CLIP2: variants seen among roughly 807,000 people sequenced by gnomAD.
The protein encoded by CLIP2 is CAP-Gly domain-containing linker protein 2.
A neutral mutation model predicts 111.7 loss-of-function variants in CLIP2; 41 were observed. The observed-to-expected ratio is 0.37, with a 90% CI of 0.29 to 0.48. The LOEUF (loss-of-function observed/expected upper bound fraction) is 0.48. Among genes scored for constraint, CLIP2 ranks in the 20% least tolerant of loss-of-function variants. CLIP2 has a pLI of 0.99. For synonymous variants in CLIP2, 660 were observed against 644.2 expected, an observed-to-expected ratio of 1.02 and a Z score of -0.37; for missense variants, 1,160 against 1,422.1, an observed-to-expected ratio of 0.82 and a Z score of 2.96.
intron 13 of CLIP2, among the ~76,000 whole-genome samples, chr7:74,392,181 C>T (rs1202350202): frequency 6.6e-6 from 1 of 151,506 alleles, no homozygotes; most frequent in African/African-American, 2.4e-5. Context: ...GAAACCCTGT[C>T]TCTACTAAAA....
Position 74,334,923 on chromosome 7 carries a change from G to A in CLIP2, c.122-3525G>A, listed in dbSNP as rs535621942. The stretch of plus-strand genomic sequence containing the variant: ...GAATTGCTTAAACCTGGGAGGCGAA[G>A]ATTGCAGTGAGCAGAGATTGCACCA... On this transcript the variant is annotated intron_variant, in intron 2 of 16. Transcript: ENST00000223398. 1.6e-4 allele frequency among the ~76,000 whole-genome samples: 25 copies of A among 151,996 alleles called. No homozygotes were observed. In the South Asian group the frequency reaches 4.1e-3, roughly 25 times the overall value.
At chr7:74,329,153 C>T (rs959391357) in intron 2 of CLIP2, among the ~76,000 whole-genome samples, 10 of 143,446 alleles carry the variant, frequency 7.0e-5, no homozygotes, top group African/African-American at 2.6e-4. Context: ...GTCTCGATCT[C>T]CTGACCTCGT....
At chr7:74,394,245 A>ATTTTTTTTTTTTTTTTTTT (rs56651501) in intron 13 of CLIP2, among the ~76,000 whole-genome samples, 1 of 117,408 alleles carries the variant, frequency 8.5e-6, no homozygotes, top group Non-Finnish European at 1.8e-5. Flanking sequence ...TTTTCTTCTT[A>ATTTTTTTTTTTTTTTTTTT]TTTTTTTTTT....
chr7:74,391,831 AG>A (rs1285043784), intron 13 of CLIP2, among the ~76,000 whole-genome samples: 2 of 151,936 alleles, frequency 1.3e-5, no homozygotes, highest in African/African-American at 2.4e-5. Flanking sequence ...AAGAAGAAGA[AG>A]AAAAAAAAAG....
At position 74,404,113 on chromosome 7, in the gene CLIP2, C is replaced by T; in HGVS notation, c.*265C>T. 2 of 489,290 alleles carry T rather than the reference C, an allele frequency of 4.1e-6. No homozygotes were observed. The highest frequency in any genetic ancestry group is 7.5e-6 in the Non-Finnish European group (2 of 265,922). 30.3% of individuals were successfully genotyped at this position (489,290 alleles called of 1,614,324 possible). A position where few individuals can be genotyped will look rare whatever the true frequency, so the allele number is the denominator to read the frequency against. On this transcript the variant is annotated 3_prime_UTR_variant, in exon 17 of 17. Transcript: ENST00000223398. The stretch of plus-strand genomic sequence containing the variant: ...GACCTTCAGCCTGGACACCCGGCAG[C>T]TTCTGGAGTTTGTCAGTGGAGGCAG...
chr7:74,385,282 G>A lies in CLIP2; in HGVS notation c.2480-1239G>A, dbSNP rs577826510. Among the ~76,000 whole-genome samples, 6 of 151,570 alleles carry A rather than the reference G, an allele frequency of 4.0e-5. No individual in the cohort carries two copies. The South Asian group carries it at 6.3e-4, about 16-fold the overall frequency. The stretch of plus-strand genomic sequence containing the variant: ...TGCACTCCAGCCTGGGTGACAGAGC[G>A]AGACTCTGTCTCCAAAAATATAAAA... On this transcript the variant is annotated intron_variant, in intron 11 of 16. Coordinates refer to ENST00000223398, the MANE Select transcript of CLIP2 (RefSeq NM_003388.5).
chr7:74,313,329 G>T (rs1177458931), intron 1 of CLIP2, among the ~76,000 whole-genome samples: 2 of 151,934 alleles, frequency 1.3e-5, no homozygotes, highest in African/African-American at 4.8e-5. Context: ...GGAGGCCGAG[G>T]GGGGCAGATC....
chr7:74,371,652 GGAGA>G (rs1245626251), intron 8 of CLIP2, among the ~76,000 whole-genome samples: 2 of 138,400 alleles, frequency 1.4e-5, no homozygotes, highest in African/African-American at 2.7e-5. Context: ...AGAGAGGGAG[GGAGA>G]GAGGGAAAAA....
At chr7:74,312,768 C>T (rs1200615063) in intron 1 of CLIP2, among the ~76,000 whole-genome samples, 1 of 152,094 alleles carries the variant, frequency 6.6e-6, no homozygotes, top group Non-Finnish European at 1.5e-5. Context: ...ATGCCCAGTG[C>T]TCTCGTGGGC....
At chr7:74,324,038 C>T (rs1467221699) in intron 2 of CLIP2, among the ~76,000 whole-genome samples, 3 of 151,936 alleles carry the variant, frequency 2.0e-5, no homozygotes, top group South Asian at 4.2e-4. Flanking sequence ...CTCGCTCTTT[C>T]GCCCAGGCTG....
intron 1 of CLIP2, among the ~76,000 whole-genome samples, chr7:74,306,491 G>A (rs1239296962): frequency 1.3e-5 from 2 of 152,172 alleles, no homozygotes; most frequent in Non-Finnish European, 2.9e-5. Context: ...CCCAGGATGA[G>A]GCTGGCCCGC....
chr7:74,296,546 T>C (rs780048328), intron 1 of CLIP2, among the ~76,000 whole-genome samples: 1 of 150,952 alleles, frequency 6.6e-6, no homozygotes, highest in Non-Finnish European at 1.5e-5. Context: ...TCCCAGCACT[T>C]TGGGAGGCTG....
At chr7:74,378,339 G>C (rs1790854370) in intron 10 of CLIP2, among the ~76,000 whole-genome samples, 2 of 151,622 alleles carry the variant, frequency 1.3e-5, no homozygotes, top group Non-Finnish European at 2.9e-5. Flanking sequence ...TGTTGCCCAG[G>C]CTGGTCTCAA....
intron 2 of CLIP2, among the ~76,000 whole-genome samples, chr7:74,337,134 C>T (rs1363479382): frequency 6.6e-6 from 1 of 151,900 alleles, no homozygotes; most frequent in African/African-American, 2.4e-5. Context: ...GTGATCCGCC[C>T]ACCTCAGCCT....
chr7:74,396,990 C>G, intron 13 of CLIP2, 84 bp from the exon 14 acceptor site: 1 of 1,544,348 alleles, frequency 6.5e-7, no homozygotes. Flanking sequence ...TGGTCAGCCC[C>G]TGGACACTTG....
chr7:74,401,364 T>C (rs1298247450), intron 15 of CLIP2, 141 bp from the exon 16 acceptor site: 12 of 739,484 alleles, frequency 1.6e-5, no homozygotes, highest in Non-Finnish European at 2.6e-5. Flanking sequence ...GCTTGGTCTT[T>C]GGGGGTGCTG....
At chr7:74,329,429 C>A (rs1322388528) in intron 2 of CLIP2, among the ~76,000 whole-genome samples, 1 of 152,106 alleles carries the variant, frequency 6.6e-6, no homozygotes, top group Non-Finnish European at 1.5e-5. Flanking sequence ...TTATTTATAG[C>A]CCCTCCTTTG....
chr7:74,346,708 G>A (rs1415495788), intron 3 of CLIP2, among the ~76,000 whole-genome samples: 1 of 123,722 alleles, frequency 8.1e-6, no homozygotes, highest in African/African-American at 3.2e-5. Context: ...GGGAGACAGA[G>A]TAAGATTCTC....
intron 3 of CLIP2, among the ~76,000 whole-genome samples, chr7:74,344,786 A>G (rs1554306001): frequency 6.6e-6 from 1 of 152,138 alleles, no homozygotes; most frequent in Non-Finnish European, 1.5e-5. Flanking sequence ...GATTGTGTAG[A>G]CAGAGTGGCA....
Sources: allele counts gnomAD v4.1 joint callset (sites outside exome capture counted in the v4.1 genomes callset), GRCh38; gene constraint gnomAD v4.1.1; transcripts MANE v1.5; gene names NCBI Gene and HGNC (gene_info 2026-07-23, HGNC 2026-07-21).